Variants in PCDH11X observed in about 807,000 individuals in gnomAD.
PCDH11X encodes protocadherin 11 X-linked, also known as protocadherin-11 X-linked.
PCDH11X carries 18 observed loss-of-function variants against 53.3 expected under a neutral mutation model. The ratio of observed to expected loss-of-function variants is 0.34; its 90% CI spans 0.23 to 0.50. The LOEUF (loss-of-function observed/expected upper bound fraction) is 0.50. PCDH11X is among the 20% of genes least tolerant of loss of function. The pLI is 0.98. For synonymous variants in PCDH11X, 279 were observed against 393.3 expected (o/e 0.71, Z 3.44); for missense variants, 570 against 1,032.4 (o/e 0.55, Z 6.14).
chrX:92,438,315 C>T (rs1393814086), intron 9 of PCDH11X, among the ~76,000 whole-genome samples: 2 of 111,382 alleles, frequency 1.8e-5, no homozygotes, highest in Non-Finnish European at 1.9e-5. Context: ...TCCCTCGGTG[C>T]TGTTGCTTTC....
chrX:92,539,563 G>A (rs2074721979), intron 10 of PCDH11X, among the ~76,000 whole-genome samples: 1 of 111,319 alleles, frequency 9.0e-6, no homozygotes, highest in South Asian at 3.8e-4. Flanking sequence ...TGTCTGAAAG[G>A]TCACATGTCC....
At chrX:91,876,499 C>T (rs1219260723) in intron 5 of PCDH11X, among the ~76,000 whole-genome samples, 2 of 111,025 alleles carry the variant, frequency 1.8e-5, no homozygotes, top group Non-Finnish European at 3.8e-5. Context: ...GTCCCCAGAA[C>T]ATCTTCTAGT....
chrX:92,600,988 T>G (rs1926164744), intron 10 of PCDH11X, among the ~76,000 whole-genome samples: 1 of 111,228 alleles, frequency 9.0e-6, no homozygotes, highest in African/African-American at 3.3e-5. Flanking sequence ...CTCTTCGTTT[T>G]GGCCAATTTC....
intron 6 of PCDH11X, among the ~76,000 whole-genome samples, chrX:91,907,401 A>ACCCC (rs1182354375): frequency 5.2e-5 from 3 of 57,231 alleles, no homozygotes; most frequent in African/African-American, 1.7e-4. Context: ...ACACACACAC[A>ACCCC]CACACACACA....
chrX:92,055,574 CT>C (rs2063436667), intron 6 of PCDH11X, among the ~76,000 whole-genome samples: 1 of 109,661 alleles, frequency 9.1e-6, no homozygotes, highest in South Asian at 3.9e-4. Context: ...TTTTTTTTAA[CT>C]TTTAAATTCA....
At chrX:91,998,104 G>A (rs1602646112) in intron 6 of PCDH11X, among the ~76,000 whole-genome samples, 1 of 110,236 alleles carries the variant, frequency 9.1e-6, no homozygotes, top group Non-Finnish European at 1.9e-5. Context: ...CTGCTAATTT[G>A]TGTATTTTTA....
chrX:92,481,819 G>A (rs774996111), intron 10 of PCDH11X, among the ~76,000 whole-genome samples: 1 of 107,537 alleles, frequency 9.3e-6, no homozygotes, highest in Non-Finnish European at 1.9e-5. Flanking sequence ...CTCTGCCAAC[G>A]CAAGTGTCTG....
chrX:91,910,572 T>C (rs912251013), intron 6 of PCDH11X, among the ~76,000 whole-genome samples: 7 of 110,930 alleles, frequency 6.3e-5, no homozygotes, highest in Non-Finnish European at 9.5e-5. Flanking sequence ...TGTTTGTTGA[T>C]TGGTTTGTTT....
intron 8 of PCDH11X, among the ~76,000 whole-genome samples, chrX:92,337,986 A>G (rs1363942117): frequency 1.8e-5 from 2 of 111,346 alleles, no homozygotes; most frequent in African/African-American, 3.3e-5. Flanking sequence ...TAATAAATAG[A>G]AATATCTTTG....
At chrX:92,177,951 A>G (rs2065936831) in intron 6 of PCDH11X, among the ~76,000 whole-genome samples, 1 of 110,626 alleles carries the variant, frequency 9.0e-6, no homozygotes, top group Non-Finnish European at 1.9e-5. Context: ...TTTTGCTTTG[A>G]TTTCCAGCCA....
chrX:92,585,457 C>T (rs1462050061), intron 10 of PCDH11X, among the ~76,000 whole-genome samples: 5 of 106,336 alleles, frequency 4.7e-5, no homozygotes, highest in African/African-American at 3.5e-5. Flanking sequence ...CTGCAAGCTC[C>T]GCCTCCCGGG....
intron 6 of PCDH11X, among the ~76,000 whole-genome samples, chrX:91,891,923 A>G (rs1940493819): frequency 1.1e-5 from 1 of 94,375 alleles, no homozygotes; most frequent in Admixed American, 1.3e-4. Context: ...AGTATATAAT[A>G]TCAGGGTTTA....
intron 6 of PCDH11X, among the ~76,000 whole-genome samples, chrX:91,951,899 G>C (rs2061645044): frequency 9.0e-6 from 1 of 111,617 alleles, no homozygotes; most frequent in Non-Finnish European, 1.9e-5. Context: ...TGCTGAAGTT[G>C]TAGAGTATTC....
At chrX:91,905,888 G>A (rs2524583) in intron 6 of PCDH11X, among the ~76,000 whole-genome samples, 2 of 109,472 alleles carry the variant, frequency 1.8e-5, no homozygotes, top group Non-Finnish European at 3.8e-5. Context: ...TTATTGTGAC[G>A]TTTCCTGCAT....
chrX:92,317,926 A>C (rs2069115516), intron 8 of PCDH11X, among the ~76,000 whole-genome samples: 1 of 111,626 alleles, frequency 9.0e-6, no homozygotes, highest in Admixed American at 9.6e-5. Context: ...AATTTTTATT[A>C]AATGTTAGTT....
intron 6 of PCDH11X, among the ~76,000 whole-genome samples, chrX:92,178,459 G>A (rs1367754069): frequency 1.8e-5 from 2 of 111,693 alleles, no homozygotes; most frequent in Non-Finnish European, 3.8e-5. Context: ...CTGGCCTAAT[G>A]GCATGTCTCC....
intron 5 of PCDH11X, among the ~76,000 whole-genome samples, chrX:91,859,255 G>A (rs770234610): frequency 1.3e-4 from 14 of 109,791 alleles, no homozygotes; most frequent in African/African-American, 4.3e-4. Context: ...TTTTCTGGTC[G>A]CATGTATATC....
intron 7 of PCDH11X, among the ~76,000 whole-genome samples, chrX:92,256,616 A>C (rs1356410011): frequency 9.0e-6 from 1 of 111,203 alleles, no homozygotes; most frequent in African/African-American, 3.3e-5. Context: ...TACATGGGTA[A>C]ATGTGTGCCG....
intron 8 of PCDH11X, among the ~76,000 whole-genome samples, chrX:92,384,058 G>A (rs7884987): frequency 0.021 from 2,351 of 111,954 alleles, 52 homozygotes; most frequent in East Asian, 0.096. Flanking sequence ...GTTTTGATTT[G>A]CATTTCTCTA....
Sources: gnomAD v4.1 joint callset for allele counts (sites outside exome capture counted in the v4.1 genomes callset) on GRCh38, gnomAD v4.1.1 for gene constraint, MANE v1.5 for transcripts, NCBI Gene and HGNC (gene_info 2026-07-23, HGNC 2026-07-21) for gene names.